The following DOK6 variants were observed in gnomAD, a reference collection of about 807,000 sequenced individuals.
The protein encoded by DOK6 is downstream of tyrosine kinase 6.
A neutral mutation model predicts 44.0 loss-of-function variants in DOK6; 22 were observed. The observed-to-expected ratio is 0.50, with a 90% CI of 0.36 to 0.71. DOK6 has a LOEUF of 0.71. Ranked by LOEUF, DOK6 falls within the 30% of genes least tolerant of loss-of-function variation. DOK6 has a pLI of 0.00. For synonymous variants in DOK6, 166 were observed against 145.5 expected (o/e 1.14, Z -1.01); for missense variants, 340 against 416.4 (o/e 0.82, Z 1.60).
chr18:69,476,274 T>A (rs1980259073), intron 1 of DOK6, among the ~76,000 whole-genome samples: 1 of 152,246 alleles, frequency 6.6e-6, no homozygotes, highest in African/African-American at 2.4e-5. Context: ...ATAGGTTTTG[T>A]TTTCTGGGTA....
At chr18:69,702,260 C>T (rs1306410118) in intron 5 of DOK6, among the ~76,000 whole-genome samples, 2 of 151,370 alleles carry the variant, frequency 1.3e-5, no homozygotes, top group Admixed American at 6.6e-5. Flanking sequence ...TGATATCTGT[C>T]CTGCAAGTTT....
At chr18:69,407,620 A>G (rs1568247575) in intron 1 of DOK6, among the ~76,000 whole-genome samples, 1 of 152,208 alleles carries the variant, frequency 6.6e-6, no homozygotes, top group Non-Finnish European at 1.5e-5. Flanking sequence ...TCATTTTTAT[A>G]TTGTTACACT....
rs577630213 is a variant in DOK6, at chr18:69,791,318, G to A, written c.856+33445G>A. On this transcript the variant is annotated intron_variant, in intron 7 of 7. Transcript: ENST00000382713. The stretch of plus-strand genomic sequence containing the variant: ...GGTAGCTCTACTTTTGGTTCTTTGA[G>A]GAACCTCCAAACTATTCCCCATAGT... Among the ~76,000 whole-genome samples the A allele has an allele frequency of 5.1e-4, 78 of 152,236 alleles. 2 individuals carry two copies. The highest frequency in any genetic ancestry group is 1.6e-3 in the African/African-American group (68 of 41,548).
intron 3 of DOK6, among the ~76,000 whole-genome samples, chr18:69,605,756 C>T (rs1178294631): frequency 2.0e-5 from 3 of 151,944 alleles, no homozygotes; most frequent in African/African-American, 4.8e-5. Context: ...TGATAAAGAA[C>T]ATCTGCAGAA....
At chr18:69,490,804 A>T (rs946998775) in intron 1 of DOK6, among the ~76,000 whole-genome samples, 3 of 152,226 alleles carry the variant, frequency 2.0e-5, no homozygotes, top group Non-Finnish European at 4.4e-5. Context: ...AAGTGTTTTT[A>T]TTTAAAGCCT....
intron 2 of DOK6, among the ~76,000 whole-genome samples, chr18:69,567,115 A>G (rs1476371439): frequency 6.6e-6 from 1 of 152,214 alleles, no homozygotes; most frequent in African/African-American, 2.4e-5. Context: ...GTGAATCGTC[A>G]AAACATGGTC....
At chr18:69,566,006 T>G (rs17775599) in intron 2 of DOK6, among the ~76,000 whole-genome samples, 4,619 of 152,318 alleles carry the variant, frequency 0.03, 84 homozygotes, top group South Asian at 0.044. Context: ...TAAGTAAAAT[T>G]TTGATGGGCT....
chr18:69,518,659 T>A (rs780255238), intron 1 of DOK6, among the ~76,000 whole-genome samples: 1 of 152,142 alleles, frequency 6.6e-6, no homozygotes, highest in Middle Eastern at 3.2e-3. Flanking sequence ...GAATAATATG[T>A]TGATAATCTT....
At chr18:69,732,339 C>T (rs1978437328) in intron 5 of DOK6, among the ~76,000 whole-genome samples, 2 of 152,002 alleles carry the variant, frequency 1.3e-5, no homozygotes, top group Admixed American at 1.3e-4. Context: ...ATTTTTTTCC[C>T]ATTAAACCCT....
In DOK6 at chr18:69,698,483, T is replaced by C. The variant is rs765635652; in HGVS notation, c.489T>C (p.Asn163=). ...GECTMQITHE[N]IYLWDIHNAK... ...GCACAATGCAGATCACTCATGAAAA[T>C]ATCTATCTCTGGGATATCCACAATG... The change falls in exon 5 of 8, where the codon AAT becomes AAC. Residue 163 remains asparagine (N), a synonymous_variant. Transcript: ENST00000382713. 6.2e-7 allele frequency: 1 copy of C among 1,614,114 alleles called. No individual in the cohort carries two copies. The highest frequency in any genetic ancestry group is 1.1e-5 in the South Asian group (1 of 91,088).
intron 7 of DOK6, among the ~76,000 whole-genome samples, chr18:69,787,623 G>A (rs1046501146): frequency 6.6e-6 from 1 of 152,096 alleles, no homozygotes; most frequent in African/African-American, 2.4e-5. Context: ...GGGAAAGCCA[G>A]CTCATTCCTA....
intron 1 of DOK6, among the ~76,000 whole-genome samples, chr18:69,559,147 A>T (rs1204116878): frequency 6.6e-6 from 1 of 152,160 alleles, no homozygotes; most frequent in Non-Finnish European, 1.5e-5. Flanking sequence ...ATTATCTATT[A>T]TTAGGTTTAT....
intron 1 of DOK6, among the ~76,000 whole-genome samples, chr18:69,468,923 A>G (rs1021712832): frequency 6.6e-6 from 1 of 152,256 alleles, no homozygotes; most frequent in Admixed American, 6.5e-5. Flanking sequence ...AAACTGTGAC[A>G]CACTTCAGAG....
chr18:69,605,827 G>A (rs566384433), intron 3 of DOK6, among the ~76,000 whole-genome samples: 106 of 152,216 alleles, frequency 7.0e-4, no homozygotes, highest in African/African-American at 2.5e-3. Flanking sequence ...CTGGGAAGAC[G>A]GAAAGCTTTC....
intron 3 of DOK6, among the ~76,000 whole-genome samples, chr18:69,655,031 C>G (rs1184222208): frequency 6.6e-6 from 1 of 152,162 alleles, no homozygotes; most frequent in Non-Finnish European, 1.5e-5. Flanking sequence ...GCACCCCAGC[C>G]TGGACAACAG....
chr18:69,401,211 G>A lies in DOK6; in HGVS notation c.-34G>A. ...CGGCGGCTCTCGACTCCGGAGAGCG[G>A]ATCGCGGGGCGCAGGAGCCCGATCG... On this transcript the variant is annotated 5_prime_UTR_variant, in exon 1 of 8. Transcript: ENST00000382713. The A allele has an allele frequency of 6.5e-7, 1 of 1,538,450 alleles. No homozygotes were observed. The highest frequency in any genetic ancestry group is 1.2e-5 in the South Asian group (1 of 83,336).
chr18:69,648,641 T>C (rs1985144870), intron 3 of DOK6, among the ~76,000 whole-genome samples: 4 of 152,192 alleles, frequency 2.6e-5, no homozygotes, highest in Admixed American at 6.5e-5. Context: ...ATATCGTCTG[T>C]TAATTGATAG....
At chr18:69,726,659 ATG>A (rs762694530) in intron 5 of DOK6, among the ~76,000 whole-genome samples, 7 of 151,410 alleles carry the variant, frequency 4.6e-5, no homozygotes, top group South Asian at 2.1e-4. Flanking sequence ...ATGTATGTAT[ATG>A]TGTGTGTGTG....
At position 69,602,323 on chromosome 18, in the gene DOK6, C is replaced by T. The variant is rs1983891932; in HGVS notation, c.289+2825C>T. Among the ~76,000 whole-genome samples, 5 of 152,186 alleles carry T rather than the reference C, an allele frequency of 3.3e-5. No homozygotes were observed. In the South Asian group the frequency reaches 1.0e-3, roughly 32 times the overall value. On this transcript the variant is annotated intron_variant, in intron 3 of 7. Coordinates refer to ENST00000382713, the MANE Select transcript of DOK6 (RefSeq NM_152721.6). Reference sequence around the variant, plus strand: ...GCACTTTACCTCTGTGGTCTTCATCCTAACAACCTATAAACCCATGAGAAT... The same window carrying T: ...GCACTTTACCTCTGTGGTCTTCATCTTAACAACCTATAAACCCATGAGAAT...
Sources: gnomAD v4.1 joint callset for allele counts (sites outside exome capture counted in the v4.1 genomes callset) on GRCh38, gnomAD v4.1.1 for gene constraint, MANE v1.5 for transcripts, NCBI Gene and HGNC (gene_info 2026-07-23, HGNC 2026-07-21) for gene names.